The following MAMLD1 variants were observed in gnomAD, a reference collection of about 807,000 sequenced individuals.
The protein encoded by MAMLD1 is mastermind like domain containing 1.
MAMLD1 carries 14 observed loss-of-function variants against 45.0 expected under a neutral mutation model. The ratio of observed to expected loss-of-function variants is 0.31; its 90% CI spans 0.21 to 0.49. The LOEUF (loss-of-function observed/expected upper bound fraction) is 0.49. Among genes scored for constraint, MAMLD1 ranks in the 20% least tolerant of loss-of-function variants. MAMLD1 has a pLI of 0.99. For missense variants in MAMLD1, 543 were observed against 603.6 expected, an observed-to-expected ratio of 0.90 and a Z score of 1.05; for synonymous variants, 254 against 247.8, an observed-to-expected ratio of 1.02 and a Z score of -0.24.
chrX:150,485,165 C>A (rs1557407537), intron 5 of MAMLD1, among the ~76,000 whole-genome samples: 1 of 111,565 alleles, frequency 9.0e-6, no homozygotes. Flanking sequence ...CCACATCCCC[C>A]ATCTGTCCTG....
At chrX:150,388,680 C>G (rs1157084662) in intron 1 of MAMLD1, among the ~76,000 whole-genome samples, 1 of 111,961 alleles carries the variant, frequency 8.9e-6, no homozygotes, top group Non-Finnish European at 1.9e-5. Context: ...GTGATATTCT[C>G]TGCTTCATTT....
intron 1 of MAMLD1, among the ~76,000 whole-genome samples, chrX:150,376,830 A>T (rs1487218309): frequency 9.3e-6 from 1 of 107,480 alleles, no homozygotes; most frequent in Non-Finnish European, 1.9e-5. Flanking sequence ...TTTCAAACAG[A>T]TGGGCTGTTT....
chrX:150,401,707 T>C (rs1557402445), intron 1 of MAMLD1, among the ~76,000 whole-genome samples: 1 of 111,852 alleles, frequency 8.9e-6, no homozygotes, highest in African/African-American at 3.3e-5. Context: ...AGCATGGTAC[T>C]GGTACCAAAA....
At chrX:150,421,110 C>T (rs4598392) in intron 1 of MAMLD1, 53,250 of 113,574 alleles carry the variant, frequency 0.47, 9,607 homozygotes, top group East Asian at 0.77. Context: ...TAGGACCCTC[C>T]GAGCCAGGTG....
At chrX:150,456,663 A>G (rs2035876931) in intron 2 of MAMLD1, among the ~76,000 whole-genome samples, 1 of 112,218 alleles carries the variant, frequency 8.9e-6, no homozygotes, top group African/African-American at 3.2e-5. Flanking sequence ...CCAACCTCCC[A>G]GGTACACACC....
intron 1 of MAMLD1, among the ~76,000 whole-genome samples, chrX:150,416,892 G>C (rs1557403071): frequency 8.9e-6 from 1 of 111,954 alleles, no homozygotes; most frequent in African/African-American, 3.2e-5. Context: ...GCAACACTAC[G>C]GTTTTTTTCC....
intron 1 of MAMLD1, among the ~76,000 whole-genome samples, chrX:150,440,979 AATAAT>A (rs1423652978): frequency 1.6e-4 from 17 of 104,919 alleles, no homozygotes; most frequent in South Asian, 3.7e-4. Context: ...TTAAATATAA[AATAAT>A]ATAATATAAT....
chrX:150,442,527 T>G (rs1452839024), intron 1 of MAMLD1, among the ~76,000 whole-genome samples: 1 of 111,315 alleles, frequency 9.0e-6, no homozygotes, highest in Non-Finnish European at 1.9e-5. Context: ...GTGTCAACAT[T>G]TTGCCAGTTT....
rs782811614 is a variant in MAMLD1, at chrX:150,462,932, G to C, written c.171+86G>C. The C allele has an allele frequency of 6.6e-5, 46 of 696,155 alleles. 1 individual carries two copies. Among genetic ancestry groups the C allele is most frequent in the African/African-American group, 5.5e-4 (26 of 46,884 alleles). 57.4% of individuals were successfully genotyped at this position (696,155 alleles called of 1,213,427 possible). On this transcript the variant is annotated intron_variant, in intron 3 of 7. Coordinates refer to ENST00000370401, the MANE Select transcript of MAMLD1 (RefSeq NM_005491.5). ...CGAGTGTGAAAGGGACCTACAAGAG[G>C]TCACACCACAAGGTCCTTTAAGAGA...
intron 1 of MAMLD1, among the ~76,000 whole-genome samples, chrX:150,430,092 G>A (rs2034877928): frequency 1.2e-5 from 1 of 85,032 alleles, no homozygotes; most frequent in African/African-American, 4.6e-5. Context: ...TGTGATCTTG[G>A]CTCACTGCAA....
At chrX:150,492,032 G>T (rs1399258327) in intron 5 of MAMLD1, among the ~76,000 whole-genome samples, 2 of 112,804 alleles carry the variant, frequency 1.8e-5, no homozygotes, top group African/African-American at 3.2e-5. Flanking sequence ...TGAGGACAGT[G>T]GGGGTAAACA....
At chrX:150,395,133 A>G (rs902658325) in intron 1 of MAMLD1, among the ~76,000 whole-genome samples, 5 of 111,329 alleles carry the variant, frequency 4.5e-5, no homozygotes, top group Non-Finnish European at 7.5e-5. Flanking sequence ...GAGAGTTTTT[A>G]TCATGAATGG....
chrX:150,364,629 GC>G (rs1425569311), intron 1 of MAMLD1, among the ~76,000 whole-genome samples: 1 of 112,137 alleles, frequency 8.9e-6, no homozygotes, highest in East Asian at 2.9e-4. Flanking sequence ...GCACCACGGT[GC>G]CCCCCGGGGG....
intron 1 of MAMLD1, among the ~76,000 whole-genome samples, chrX:150,403,974 A>AAG (rs1346319489): frequency 1.0e-5 from 1 of 97,609 alleles, no homozygotes; most frequent in Non-Finnish European, 2.0e-5. Flanking sequence ...GAAAGAAAGA[A>AAG]AGAAAGAAAG....
intron 5 of MAMLD1, among the ~76,000 whole-genome samples, chrX:150,498,093 AATT>A (rs1199871580): frequency 9.0e-5 from 10 of 110,803 alleles, no homozygotes; most frequent in African/African-American, 3.3e-4. Context: ...CATCATCATC[AATT>A]ATTATTATTA....
intron 6 of MAMLD1, chrX:150,509,251 A>G (rs907383509): frequency 9.8e-5 from 11 of 112,144 alleles, no homozygotes; most frequent in African/African-American, 3.6e-4. Context: ...TGTCCACCTG[A>G]CCATGTGATC....
chrX:150,398,453 G>A (rs1249663405), intron 1 of MAMLD1, among the ~76,000 whole-genome samples: 3 of 111,070 alleles, frequency 2.7e-5, no homozygotes, highest in South Asian at 3.9e-4. Flanking sequence ...AGGTCCATAC[G>A]AACATTAGTT....
chrX:150,398,830 C>T (rs1329110599), intron 1 of MAMLD1, among the ~76,000 whole-genome samples: 3 of 110,993 alleles, frequency 2.7e-5, no homozygotes, highest in African/African-American at 9.8e-5. Flanking sequence ...CTTTTTTATC[C>T]ATGTCTGCAT....
intron 6 of MAMLD1, among the ~76,000 whole-genome samples, chrX:150,508,781 G>A (rs190605728): frequency 8.9e-6 from 1 of 112,296 alleles, no homozygotes; most frequent in Non-Finnish European, 1.9e-5. Flanking sequence ...TCTTCGGGGG[G>A]ACACAGACCA....
Sources: allele counts gnomAD v4.1 joint callset (sites outside exome capture counted in the v4.1 genomes callset), GRCh38; gene constraint gnomAD v4.1.1; transcripts MANE v1.5; gene names NCBI Gene and HGNC (gene_info 2026-07-23, HGNC 2026-07-21).